The following MYO16 variants were observed in gnomAD, a reference collection of about 807,000 sequenced individuals.
MYO16 encodes myosin XVI.
Under a neutral mutation model 205.3 loss-of-function variants are expected in MYO16, and 94 were observed. That is an observed-to-expected ratio of 0.46 (90% CI 0.39 to 0.54). The LOEUF is 0.54. MYO16 is among the 20% of genes least tolerant of loss of function. MYO16 has a pLI of 0.00. For missense variants in MYO16, 2,315 were observed against 2,387.5 expected (o/e 0.97, Z 0.63); for synonymous variants, 988 against 954.0 (o/e 1.04, Z -0.66).
chr13:108,800,998 GTTGA>G (rs1326942907), intron 6 of MYO16, among the ~76,000 whole-genome samples: 1 of 152,070 alleles, frequency 6.6e-6, no homozygotes, highest in East Asian at 1.9e-4. Context: ...TGTTAATATC[GTTGA>G]TTATGTCAGA....
intron 9 of MYO16, among the ~76,000 whole-genome samples, chr13:108,836,403 C>G (rs1354016886): frequency 6.6e-6 from 1 of 152,186 alleles, no homozygotes; most frequent in African/African-American, 2.4e-5. Flanking sequence ...ATTGGAGAAG[C>G]CCTGCTAGGG....
At chr13:109,017,974 T>A (rs2139508094) in intron 22 of MYO16, among the ~76,000 whole-genome samples, 1 of 152,336 alleles carries the variant, frequency 6.6e-6, no homozygotes, top group South Asian at 2.1e-4. Context: ...TTTCAGCTCA[T>A]CAAAGTCATT....
intron 13 of MYO16, chr13:108,886,590 C>CA: frequency 2.3e-6 from 1 of 431,848 alleles, no homozygotes; most frequent in South Asian, 1.7e-5. Context: ...GCTGGCGGCT[C>CA]CACCCCCCGT....
At chr13:108,560,819 A>T in the MYO16 span, among the ~76,000 whole-genome samples, 1 of 152,194 alleles carries the variant, frequency 6.6e-6, no homozygotes, top group Non-Finnish European at 1.5e-5. Context: ...AAATCAGATA[A>T]AAATAACCAA....
chr13:109,149,944 T>G lies in MYO16; in HGVS notation c.5164+8568T>G, dbSNP rs116157927. Among the ~76,000 whole-genome samples, 408 of 152,324 alleles carry G rather than the reference T, an allele frequency of 2.7e-3. 2 individuals carry two copies. The highest frequency in any genetic ancestry group is 9.5e-3 in the African/African-American group (394 of 41,564). ...ACTGAAAAGAAATTCACACTGAAATTGTACTCACTTGCAGAGTAGCCCAGC... is the reference window on the plus strand; with the variant it reads ...ACTGAAAAGAAATTCACACTGAAATGGTACTCACTTGCAGAGTAGCCCAGC... On this transcript the variant is annotated intron_variant, in intron 32 of 34. Coordinates refer to ENST00000457511, the MANE Select transcript of MYO16 (RefSeq NM_001198950.3).
intron 1 of MYO16, among the ~76,000 whole-genome samples, chr13:108,635,494 G>T (rs1880180919): frequency 6.8e-6 from 1 of 146,744 alleles, no homozygotes; most frequent in Non-Finnish European, 1.5e-5. Flanking sequence ...TGGTGTAGAT[G>T]GTTTACCTAT....
intron 33 of MYO16, among the ~76,000 whole-genome samples, chr13:109,166,414 A>C (rs565837562): frequency 4.6e-5 from 7 of 152,376 alleles, no homozygotes; most frequent in Admixed American, 2.0e-4. Flanking sequence ...GAAAATCCCC[A>C]GAATGAAACA....
chr13:108,820,256 G>A, intron 7 of MYO16, 81 bp from the exon 8 acceptor site: 1 of 1,029,352 alleles, frequency 9.7e-7, no homozygotes, highest in Non-Finnish European at 1.5e-6. Context: ...GCTGTTAGTT[G>A]GACAGCACAG....
At chr13:108,861,627 T>G (rs1878453411) in intron 11 of MYO16, among the ~76,000 whole-genome samples, 1 of 151,870 alleles carries the variant, frequency 6.6e-6, no homozygotes, top group South Asian at 2.1e-4. Flanking sequence ...TCACTAAGAG[T>G]TTTTCAAATT....
intron 9 of MYO16, among the ~76,000 whole-genome samples, chr13:108,832,844 T>C (rs1038482238): frequency 1.3e-5 from 2 of 152,162 alleles, no homozygotes; most frequent in Non-Finnish European, 2.9e-5. Flanking sequence ...TAATCAAATA[T>C]TACAACTACA....
intron 22 of MYO16, among the ~76,000 whole-genome samples, chr13:109,015,484 G>C (rs1361772053): frequency 6.6e-6 from 1 of 152,182 alleles, no homozygotes; most frequent in Non-Finnish European, 1.5e-5. Flanking sequence ...CATCAAATGA[G>C]TTATGGTGGA....
At chr13:108,557,172 A>T in the MYO16 span, among the ~76,000 whole-genome samples, 1 of 152,186 alleles carries the variant, frequency 6.6e-6, no homozygotes, top group Non-Finnish European at 1.5e-5. Context: ...TATGAAAAAT[A>T]TTGGAATTTT....
chr13:108,546,262 C>T, the MYO16 span, among the ~76,000 whole-genome samples: 6 of 152,176 alleles, frequency 3.9e-5, no homozygotes, highest in East Asian at 1.9e-4. Flanking sequence ...CTTAGGGTTG[C>T]GTTCTGAGCG....
At chr13:108,694,949 C>G (rs967954727) in intron 2 of MYO16, among the ~76,000 whole-genome samples, 9 of 152,048 alleles carry the variant, frequency 5.9e-5, no homozygotes, top group Non-Finnish European at 1.0e-4. Flanking sequence ...CCCGTCTCTA[C>G]TAAAAATACA....
At chr13:108,676,662 T>C (rs946563419) in intron 2 of MYO16, among the ~76,000 whole-genome samples, 2 of 152,142 alleles carry the variant, frequency 1.3e-5, no homozygotes, top group East Asian at 3.9e-4. Context: ...CATGAGAATA[T>C]GGACCAAAGC....
chr13:108,904,483 T>A (rs1880865895), intron 15 of MYO16, among the ~76,000 whole-genome samples: 1 of 152,176 alleles, frequency 6.6e-6, no homozygotes, highest in African/African-American at 2.4e-5. Flanking sequence ...AATTTGTATT[T>A]TTCATCTGAG....
rs59370011 is a variant in MYO16 at position 108,678,470 on chromosome 13, C to A, written c.292+12321C>A. On this transcript the variant is annotated intron_variant, in intron 2 of 34. Transcript: ENST00000457511. ...ATAACCAACACGTCTCGGAAGGTGT[C>A]TGTACTCATGAGTTCGAACTTCTCT... Among the ~76,000 whole-genome samples, 1,522 of 152,278 alleles carry A rather than the reference C, an allele frequency of 1.0e-2. 28 individuals carry two copies. The highest frequency in any genetic ancestry group is 0.035 in the African/African-American group (1,447 of 41,558).
chr13:108,925,706 C>A (rs1006229419), intron 16 of MYO16, among the ~76,000 whole-genome samples: 8 of 152,134 alleles, frequency 5.3e-5, no homozygotes, highest in African/African-American at 1.9e-4. Context: ...GAACATGTAA[C>A]AAACCCGTCT....
intron 3 of MYO16, among the ~76,000 whole-genome samples, chr13:108,721,839 A>G (rs1183094410): frequency 6.6e-6 from 1 of 152,166 alleles, no homozygotes; most frequent in African/African-American, 2.4e-5. Context: ...GGACATTTCC[A>G]GAAGTGGAAA....
Sources: gnomAD v4.1 joint callset for allele counts (sites outside exome capture counted in the v4.1 genomes callset) on GRCh38, gnomAD v4.1.1 for gene constraint, MANE v1.5 for transcripts, NCBI Gene and HGNC (gene_info 2026-07-23, HGNC 2026-07-21) for gene names.